Variants in FAM91A1 observed in about 807,000 individuals in gnomAD.
FAM91A1 encodes the protein protein FAM91A1.
In FAM91A1, 41 loss-of-function variants were observed where a neutral mutation model predicts 113.5. That is an observed-to-expected ratio of 0.36 (90% CI 0.28 to 0.47). The LOEUF (loss-of-function observed/expected upper bound fraction) is 0.47, where lower values mean the gene tolerates loss of function less well. Ranked by LOEUF, FAM91A1 falls within the 20% of genes least tolerant of loss-of-function variation. The pLI, the probability that FAM91A1 is intolerant of heterozygous loss-of-function variation, is 1.00. For synonymous variants in FAM91A1, 307 were observed against 347.9 expected (o/e 0.88, Z 1.31); for missense variants, 696 against 1,001.2 (o/e 0.70, Z 4.11).
intron 18 of FAM91A1, among the ~76,000 whole-genome samples, chr8:123,803,513 G>C (rs983704068): frequency 6.6e-6 from 1 of 152,072 alleles, no homozygotes; most frequent in Non-Finnish European, 1.5e-5. Flanking sequence ...ATGTTGCCCA[G>C]GCTGGTCTCA....
rs771999055 is a variant in FAM91A1, at chr8:123,784,596, A to G, written c.810+20A>G. On this transcript the variant is annotated intron_variant, in intron 9 of 23. Transcript: ENST00000334705. The stretch of plus-strand genomic sequence containing the variant: ...GCAGAGGTAAGTTTGACAACGTCTC[A>G]TGAAAATATAATCTCAAGATTGTAA... 14 of 1,503,838 alleles carry G rather than the reference A, an allele frequency of 9.3e-6. No individual in the cohort carries two copies. Among genetic ancestry groups the G allele is most frequent in the Admixed American group, 5.5e-5 (3 of 54,072 alleles). 93.2% of individuals were successfully genotyped at this position (1,503,838 alleles called of 1,614,324 possible). A position where few individuals can be genotyped will look rare whatever the true frequency, so the allele number is the denominator to read the frequency against.
intron 14 of FAM91A1, among the ~76,000 whole-genome samples, chr8:123,788,454 A>C (rs1431255653): frequency 3.3e-5 from 5 of 151,442 alleles, no homozygotes; most frequent in Non-Finnish European, 7.4e-5. Flanking sequence ...ATTTGTGGTG[A>C]TTCTGCAACT....
intron 18 of FAM91A1, among the ~76,000 whole-genome samples, chr8:123,803,394 G>A (rs904875536): frequency 6.6e-6 from 1 of 152,002 alleles, no homozygotes; most frequent in Non-Finnish European, 1.5e-5. Context: ...CTGCAGCCTC[G>A]ACTTCCCCTG....
chr8:123,768,494 C>G lies in FAM91A1; in HGVS notation c.-209C>G, dbSNP rs2130019307. On this transcript the variant is annotated 5_prime_UTR_variant, in exon 1 of 24. In the 5' UTR this introduces an upstream ATG that the reference lacks. Coordinates refer to ENST00000334705, the MANE Select transcript of FAM91A1 (RefSeq NM_144963.4). ...AGAAACTTGGAGCTGTTCAGGCGATCCAGCCTCCAATCGCTGCTGCTCTTG... is the reference window on the plus strand; with the variant it reads ...AGAAACTTGGAGCTGTTCAGGCGATGCAGCCTCCAATCGCTGCTGCTCTTG... 2.0e-6 allele frequency: 1 copy of G among 490,316 alleles called. No individual in the cohort carries two copies. Among genetic ancestry groups the G allele is most frequent in the African/African-American group, 2.1e-5 (1 of 48,656 alleles). The allele number at this position is 490,316 out of a possible 1,614,324, so 30.4% of individuals were successfully genotyped here.
At chr8:123,809,538 G>C (rs1481197790) in intron 22 of FAM91A1, among the ~76,000 whole-genome samples, 1 of 152,246 alleles carries the variant, frequency 6.6e-6, no homozygotes, top group Non-Finnish European at 1.5e-5. Flanking sequence ...GATCCATTGT[G>C]AGTAGCTGCT....
intron 11 of FAM91A1, chr8:123,785,950 G>T: frequency 2.2e-6 from 1 of 461,754 alleles, no homozygotes. Context: ...CCTGAGTAGT[G>T]GGGACTATAG....
intron 18 of FAM91A1, 102 bp downstream of exon 18, chr8:123,799,987 T>C: frequency 2.0e-6 from 2 of 995,624 alleles, no homozygotes; most frequent in Non-Finnish European, 2.9e-6. Context: ...ATTTGAAATT[T>C]ATGAAGTTGA....
rs1011106489 is a variant in FAM91A1 at position 123,813,290 on chromosome 8, C to G, written c.*586C>G. ...TGTAAATCAGCATAGTTGTGTATAA[C>G]TTAACCTTGATTTATAAGGTCTTAA... On this transcript the variant is annotated 3_prime_UTR_variant, in exon 24 of 24. Transcript: ENST00000334705. 1 of 152,550 alleles carries G rather than the reference C, an allele frequency of 6.6e-6. No homozygotes were observed. Among genetic ancestry groups the G allele is most frequent in the Non-Finnish European group, 1.5e-5 (1 of 68,004 alleles). 9.4% of individuals were successfully genotyped at this position (152,550 alleles called of 1,614,324 possible). A position where few individuals can be genotyped will look rare whatever the true frequency, so the allele number is the denominator to read the frequency against.
chr8:123,809,268 G>A (rs968871517), intron 22 of FAM91A1, among the ~76,000 whole-genome samples: 2 of 152,198 alleles, frequency 1.3e-5, no homozygotes, highest in African/African-American at 4.8e-5. Flanking sequence ...ATCTAGGTGA[G>A]GTGAGGGTGT....
At chr8:123,808,177 T>G (rs1815857464) in intron 20 of FAM91A1, 95 bp from the exon 21 acceptor site, 1 of 962,580 alleles carries the variant, frequency 1.0e-6, no homozygotes. Flanking sequence ...TCATCATTAC[T>G]ATTGTCTGAA....
intron 1 of FAM91A1, among the ~76,000 whole-genome samples, chr8:123,772,674 A>G (rs1563634410): frequency 6.6e-6 from 1 of 152,190 alleles, no homozygotes; most frequent in South Asian, 2.1e-4. Context: ...AAATCCATGT[A>G]TAACTTTTGA....
intron 11 of FAM91A1, chr8:123,786,270 A>C: frequency 2.1e-6 from 1 of 473,462 alleles, no homozygotes; most frequent in Non-Finnish European, 3.8e-6. Context: ...TTTTACATAA[A>C]ATCTTGAAGG....
intron 15 of FAM91A1, among the ~76,000 whole-genome samples, chr8:123,797,372 A>G (rs375272836): frequency 6.6e-6 from 1 of 152,210 alleles, no homozygotes; most frequent in Non-Finnish European, 1.5e-5. Flanking sequence ...TGGAACTTAC[A>G]GTGTGTTTAC....
In FAM91A1 at chr8:123,789,757, A is replaced by G. The variant is rs752069201; in HGVS notation, c.1411+12A>G. 13 of 1,605,764 alleles carry G rather than the reference A, an allele frequency of 8.1e-6. No homozygotes were observed. Among genetic ancestry groups the G allele is most frequent in the Non-Finnish European group, 1.0e-5 (12 of 1,175,866 alleles). Reference sequence around the variant, plus strand: ...CCAACCCAATTATGGTATGATAAATATATTTAATTTTGAAGACATGATCAT... The same window carrying G: ...CCAACCCAATTATGGTATGATAAATGTATTTAATTTTGAAGACATGATCAT... On this transcript the variant is annotated intron_variant, in intron 15 of 23. Coordinates refer to ENST00000334705, the MANE Select transcript of FAM91A1 (RefSeq NM_144963.4).
intron 21 of FAM91A1, 121 bp from the exon 22 acceptor site, chr8:123,808,772 G>T (rs1815876226): frequency 1.1e-6 from 1 of 952,264 alleles, no homozygotes. Flanking sequence ...CCCACTGGTG[G>T]ATATCAGTGG....
rs1816032899 is a variant in FAM91A1 at position 123,814,700 on chromosome 8, C to G, written c.*1996C>G. 6.6e-6 allele frequency: 1 copy of G among 152,222 alleles called. No homozygotes were observed. Among genetic ancestry groups the G allele is most frequent in the Non-Finnish European group, 1.5e-5 (1 of 67,896 alleles). The allele number at this position is 152,222 out of a possible 1,614,324, so 9.4% of individuals were successfully genotyped here. On this transcript the variant is annotated 3_prime_UTR_variant, in exon 24 of 24. Transcript: ENST00000334705. The stretch of plus-strand genomic sequence containing the variant: ...TGATTCCGAGCTGAAGACCTCTGGT[C>G]CTCTTAAGGAGGGAGAGTGCATTTT...
At position 123,768,503 on chromosome 8, in the gene FAM91A1, A is replaced by T; in HGVS notation, c.-200A>T. ...GAGCTGTTCAGGCGATCCAGCCTCC[A>T]ATCGCTGCTGCTCTTGTACTCGGTT... On this transcript the variant is annotated 5_prime_UTR_variant, in exon 1 of 24. Coordinates refer to ENST00000334705, the MANE Select transcript of FAM91A1 (RefSeq NM_144963.4). 2.0e-6 allele frequency: 1 copy of T among 496,324 alleles called. No homozygotes were observed. The highest frequency in any genetic ancestry group is 3.5e-6 in the Non-Finnish European group (1 of 282,388). The allele number at this position is 496,324 out of a possible 1,614,324, so 30.7% of individuals were successfully genotyped here.
Position 123,806,199 on chromosome 8 carries a change from A to G in FAM91A1, c.2002A>G (p.Arg668Gly), listed in dbSNP as rs924623954. Residue 668 changes from arginine to glycine, a missense_variant, in exon 20 of 24, where the codon AGA (arginine) becomes GGA (glycine). Arg to Gly is a moderately radical substitution (Grantham distance 125). Coordinates refer to ENST00000334705, the MANE Select transcript of FAM91A1 (RefSeq NM_144963.4). The stretch of plus-strand genomic sequence containing the variant: ...GAATGCTTCCAGCCAACTTGCAGAT[A>G]GAAAACTCAGTGATGCTTCTGATGA... ...MLNASSQLAD[R>G]KLSDASDERG... 2.5e-6 allele frequency: 4 copies of G among 1,613,344 alleles called. No homozygotes were observed. In the East Asian group the frequency reaches 6.7e-5, roughly 27 times the overall value.
chr8:123,798,653 G>A (rs1815603325), intron 16 of FAM91A1, among the ~76,000 whole-genome samples: 1 of 152,190 alleles, frequency 6.6e-6, no homozygotes, highest in Non-Finnish European at 1.5e-5. Flanking sequence ...ATTTATATGT[G>A]AAAATTCCTT....
Sources: allele counts gnomAD v4.1 joint callset (sites outside exome capture counted in the v4.1 genomes callset), GRCh38; gene constraint gnomAD v4.1.1; transcripts MANE v1.5; gene names NCBI Gene and HGNC (gene_info 2026-07-23, HGNC 2026-07-21).